SGK3: variants seen among roughly 807,000 people sequenced by gnomAD.
The protein encoded by SGK3 is serum/glucocorticoid regulated kinase family member 3.
A neutral mutation model predicts 68.5 loss-of-function variants in SGK3; 47 were observed. The observed-to-expected ratio is 0.69, with a 90% confidence interval of 0.54 to 0.87. The LOEUF (loss-of-function observed/expected upper bound fraction) is 0.87. Among genes scored for constraint, SGK3 ranks in the 40% least tolerant of loss-of-function variants. The probability of loss-of-function intolerance (pLI) is 0.00; values close to 1 mark genes in which losing one functional copy is unlikely to be tolerated. For missense variants in SGK3, 479 were observed against 575.5 expected, an observed-to-expected ratio of 0.83 and a Z score of 1.72; for synonymous variants, 181 against 189.1, an observed-to-expected ratio of 0.96 and a Z score of 0.35.
chr8:66,787,085 A>T (rs1469943122), intron 1 of SGK3, among the ~76,000 whole-genome samples: 1 of 151,890 alleles, frequency 6.6e-6, no homozygotes, highest in Non-Finnish European at 1.5e-5. Flanking sequence ...CTGGGATTAC[A>T]GGCATGTGCC....
intron 14 of SGK3, among the ~76,000 whole-genome samples, chr8:66,845,193 G>A (rs1809957680): frequency 6.6e-6 from 1 of 152,204 alleles, no homozygotes; most frequent in Admixed American, 6.5e-5. Flanking sequence ...TAGGTCAGGA[G>A]TTCAAGACCA....
At chr8:66,786,095 G>A (rs1190101705) in intron 1 of SGK3, among the ~76,000 whole-genome samples, 1 of 152,176 alleles carries the variant, frequency 6.6e-6, no homozygotes, top group Non-Finnish European at 1.5e-5. Context: ...TGCCTGGCCA[G>A]AAGATGATTT....
At chr8:66,820,874 T>C (rs917070231) in intron 5 of SGK3, among the ~76,000 whole-genome samples, 1 of 152,084 alleles carries the variant, frequency 6.6e-6, no homozygotes, top group African/African-American at 2.4e-5. Context: ...TGGGGTTTTT[T>C]ATTTTATTTT....
At chr8:66,774,919 T>C (rs1806633587) in intron 1 of SGK3, among the ~76,000 whole-genome samples, 1 of 152,188 alleles carries the variant, frequency 6.6e-6, no homozygotes, top group South Asian at 2.1e-4. Flanking sequence ...AGCGGGAACC[T>C]GGGGAGAGTG....
In SGK3 at chr8:66,805,248, G is replaced by A. The variant is rs1041374317; in HGVS notation, c.253+801G>A. Among the ~76,000 whole-genome samples, 12 of 151,700 alleles carry A rather than the reference G, an allele frequency of 7.9e-5. 1 individual carries two copies. The highest frequency in any genetic ancestry group is 6.6e-4 in the Admixed American group (10 of 15,248). On this transcript the variant is annotated intron_variant, in intron 4 of 16. Coordinates refer to ENST00000521198, the MANE Select transcript of SGK3 (RefSeq NM_001033578.3). Reference sequence around the variant, plus strand: ...CAAAAAGATATCCTAAGCCGGGCACGGTGGCTCACGCCTGTAATCCTAGCA... The same window carrying A: ...CAAAAAGATATCCTAAGCCGGGCACAGTGGCTCACGCCTGTAATCCTAGCA...
At chr8:66,758,992 G>A (rs1170278802) in intron 1 of SGK3, among the ~76,000 whole-genome samples, 1 of 152,090 alleles carries the variant, frequency 6.6e-6, no homozygotes, top group African/African-American at 2.4e-5. Context: ...AAGACTCTAG[G>A]AAACAATGGG....
intron 16 of SGK3, among the ~76,000 whole-genome samples, chr8:66,854,558 T>C (rs72654913): frequency 0.032 from 4,901 of 152,204 alleles, 109 homozygotes; most frequent in Non-Finnish European, 0.047. Flanking sequence ...TTCTGTAAGC[T>C]GAAAGAAAAT....
chr8:66,795,358 G>A (rs1023562659), intron 2 of SGK3, among the ~76,000 whole-genome samples: 1 of 152,168 alleles, frequency 6.6e-6, no homozygotes, highest in Non-Finnish European at 1.5e-5. Context: ...CTATATTGCA[G>A]GAATATCTTC....
intron 1 of SGK3, among the ~76,000 whole-genome samples, chr8:66,789,452 A>G (rs1807346519): frequency 6.6e-6 from 1 of 152,190 alleles, no homozygotes; most frequent in Non-Finnish European, 1.5e-5. Flanking sequence ...ACAGGGAACC[A>G]ATATGGGAAT....
Position 66,840,062 on chromosome 8 carries a change from T to G in SGK3, c.801T>G (p.Ala267=). 6.2e-7 allele frequency: 1 copy of G among 1,614,100 alleles called. No individual in the cohort carries two copies. Among genetic ancestry groups the G allele is most frequent in the Non-Finnish European group, 8.5e-7 (1 of 1,180,000 alleles). ...CTGAGCACAGAGCTAGGTTTTACGC[T>G]GCTGAAATTGCTAGTGCATTGGGTT... The part of the protein sequence containing the change: ...SFPEHRARFY[A]AEIASALGYL... Residue 267 remains alanine, a synonymous_variant, in exon 11 of 17, where the codon GCT becomes GCG. Coordinates refer to ENST00000521198, the MANE Select transcript of SGK3 (RefSeq NM_001033578.3).
intron 1 of SGK3, among the ~76,000 whole-genome samples, chr8:66,757,267 G>T (rs1321129811): frequency 3.3e-5 from 5 of 151,816 alleles, no homozygotes. Flanking sequence ...GAGTAGCTGG[G>T]ACTACAGGCA....
At chr8:66,786,369 C>T (rs1807199534) in intron 1 of SGK3, among the ~76,000 whole-genome samples, 1 of 152,182 alleles carries the variant, frequency 6.6e-6, no homozygotes, top group African/African-American at 2.4e-5. Flanking sequence ...TTTCATGCTT[C>T]AGTTTCTCCT....
chr8:66,766,187 C>T (rs957702949), intron 1 of SGK3, among the ~76,000 whole-genome samples: 26 of 151,950 alleles, frequency 1.7e-4, no homozygotes, highest in African/African-American at 3.6e-4. Flanking sequence ...CTTGTGTACA[C>T]ATGGAAAGTA....
chr8:66,724,707 C>T (rs910405476), intron 1 of SGK3, among the ~76,000 whole-genome samples: 4 of 152,182 alleles, frequency 2.6e-5, no homozygotes, highest in Admixed American at 6.5e-5. Context: ...CTGTGAGATG[C>T]AGAACATTGT....
At chr8:66,778,142 T>C (rs1403825493) in intron 1 of SGK3, 2 of 152,344 alleles carry the variant, frequency 1.3e-5, no homozygotes, top group Non-Finnish European at 1.5e-5. Flanking sequence ...GTGACTATCA[T>C]AGAGAATTTA....
intron 1 of SGK3, among the ~76,000 whole-genome samples, chr8:66,738,631 TC>T (rs1159498893): frequency 6.8e-6 from 1 of 146,624 alleles, no homozygotes; most frequent in Admixed American, 6.7e-5. Context: ...AGATCCACTT[TC>T]TTTTTTTTTT....
chr8:66,802,644 A>T (rs761889803), intron 3 of SGK3, among the ~76,000 whole-genome samples: 2 of 147,748 alleles, frequency 1.4e-5, no homozygotes, highest in African/African-American at 2.5e-5. Flanking sequence ...AGCCTGGGTG[A>T]TAGAGCAAGA....
At position 66,713,024 on chromosome 8, in the gene SGK3, T is replaced by C. The variant is rs964246423; in HGVS notation, c.-122+191T>C. 1.2e-4 allele frequency among the ~76,000 whole-genome samples: 19 copies of C among 152,294 alleles called. 1 individual carries two copies. The highest frequency in any genetic ancestry group is 9.8e-4 in the Admixed American group (15 of 15,300). ...TTTGTTTCCACGAGGTGAATTCAGA[T>C]CCTGCCTCGAGATTCCTAAACGCCC... On this transcript the variant is annotated intron_variant, in intron 1 of 16. Coordinates refer to ENST00000521198, the MANE Select transcript of SGK3 (RefSeq NM_001033578.3).
At chr8:66,824,718 G>C (rs1477570862) in intron 6 of SGK3, among the ~76,000 whole-genome samples, 2 of 152,118 alleles carry the variant, frequency 1.3e-5, no homozygotes, top group African/African-American at 4.8e-5. Flanking sequence ...CAGTCACTTA[G>C]TGTTTGTCCA....
Sources: allele counts gnomAD v4.1 joint callset (sites outside exome capture counted in the v4.1 genomes callset), GRCh38; gene constraint gnomAD v4.1.1; transcripts MANE v1.5; gene names NCBI Gene and HGNC (gene_info 2026-07-23, HGNC 2026-07-21).